NEGR1: variants seen among roughly 807,000 people sequenced by gnomAD.
NEGR1 encodes IgLON family member 4.
A neutral mutation model predicts 40.9 loss-of-function variants in NEGR1; 10 were observed. That is an observed-to-expected ratio of 0.24 (90% CI 0.15 to 0.42). The LOEUF (loss-of-function observed/expected upper bound fraction) is 0.42, where lower values mean the gene tolerates loss of function less well. NEGR1 is among the 10% of genes least tolerant of loss of function. The pLI, the probability that NEGR1 is intolerant of heterozygous loss-of-function variation, is 1.00. For missense variants in NEGR1, 352 were observed against 438.9 expected (o/e 0.80, Z 1.77); for synonymous variants, 185 against 166.8 (o/e 1.11, Z -0.84).
chr1:71,781,010 G>A (rs754692028), intron 2 of NEGR1, among the ~76,000 whole-genome samples: 5 of 152,128 alleles, frequency 3.3e-5, no homozygotes, highest in East Asian at 3.9e-4. Flanking sequence ...CTGTTTGTAC[G>A]ATAATGAGCA....
chr1:71,719,849 A>G (rs564910680), intron 3 of NEGR1, among the ~76,000 whole-genome samples: 9 of 152,132 alleles, frequency 5.9e-5, no homozygotes, highest in African/African-American at 2.2e-4. Context: ...TTTAGGTGTA[A>G]AGACCAATGT....
At chr1:71,467,382 T>C (rs1431725343) in intron 6 of NEGR1, among the ~76,000 whole-genome samples, 1 of 152,078 alleles carries the variant, frequency 6.6e-6, no homozygotes, top group Non-Finnish European at 1.5e-5. Flanking sequence ...GCGTTATACA[T>C]GTTATCTATC....
intron 1 of NEGR1, among the ~76,000 whole-genome samples, chr1:72,162,724 C>G (rs1185762196): frequency 6.6e-6 from 1 of 152,216 alleles, no homozygotes; most frequent in East Asian, 1.9e-4. Flanking sequence ...TGCAGACAAG[C>G]TGATGCAGTT....
At chr1:71,591,377 A>C (rs1649494072) in intron 6 of NEGR1, among the ~76,000 whole-genome samples, 1 of 152,184 alleles carries the variant, frequency 6.6e-6, no homozygotes, top group South Asian at 2.1e-4. Flanking sequence ...CACATTCATT[A>C]ATGTTTCAGT....
intron 6 of NEGR1, among the ~76,000 whole-genome samples, chr1:71,534,566 A>G (rs1647456130): frequency 3.3e-5 from 5 of 151,742 alleles, no homozygotes; most frequent in Admixed American, 2.0e-4. Context: ...ACAAGCTACA[A>G]TTAAAAATTC....
At chr1:72,057,604 G>T (rs963823300) in intron 1 of NEGR1, among the ~76,000 whole-genome samples, 2 of 151,438 alleles carry the variant, frequency 1.3e-5, no homozygotes, top group Non-Finnish European at 3.0e-5. Context: ...AACTCTAGAC[G>T]AGGGGCCCCT....
intron 2 of NEGR1, among the ~76,000 whole-genome samples, chr1:71,896,644 CTA>C (rs1230573454): frequency 6.6e-6 from 1 of 152,126 alleles, no homozygotes. Context: ...AGACATACTC[CTA>C]TGTTTTCTTG....
chr1:71,917,742 T>A (rs1242692625), intron 2 of NEGR1, among the ~76,000 whole-genome samples: 2 of 144,872 alleles, frequency 1.4e-5, no homozygotes, highest in East Asian at 4.1e-4. Flanking sequence ...ATTGCGCCAC[T>A]GCACTCCAGC....
chr1:71,924,060 TA>T (rs926425595), intron 2 of NEGR1, among the ~76,000 whole-genome samples: 84 of 151,458 alleles, frequency 5.5e-4, no homozygotes, highest in Middle Eastern at 3.4e-3. Flanking sequence ...AGCAGCTATT[TA>T]AAAAAAAATT....
At chr1:71,597,083 T>C (rs538828483) in intron 5 of NEGR1, among the ~76,000 whole-genome samples, 14 of 152,244 alleles carry the variant, frequency 9.2e-5, no homozygotes, top group Non-Finnish European at 1.9e-4. Context: ...ATGTCAGCAA[T>C]AGACTGTAGG....
intron 6 of NEGR1, among the ~76,000 whole-genome samples, chr1:71,564,359 T>G (rs1421579644): frequency 1.3e-5 from 2 of 152,120 alleles, no homozygotes; most frequent in Non-Finnish European, 2.9e-5. Context: ...AAATCATACA[T>G]ATGTTAAGTA....
intron 6 of NEGR1, among the ~76,000 whole-genome samples, chr1:71,579,107 T>G (rs533162602): frequency 6.6e-6 from 1 of 152,264 alleles, no homozygotes; most frequent in Admixed American, 6.5e-5. Context: ...GAAAATATGT[T>G]TTTGGCTCAT....
At chr1:71,817,955 C>T (rs1479426064) in intron 2 of NEGR1, among the ~76,000 whole-genome samples, 2 of 151,982 alleles carry the variant, frequency 1.3e-5, no homozygotes, top group Non-Finnish European at 2.9e-5. Flanking sequence ...CATCGCTAAT[C>T]ATTACAGAAA....
At chr1:71,771,005 T>C (rs1656298856) in intron 3 of NEGR1, among the ~76,000 whole-genome samples, 1 of 152,184 alleles carries the variant, frequency 6.6e-6, no homozygotes, top group Non-Finnish European at 1.5e-5. Context: ...TGCACACGTA[T>C]GTTTATTGTG....
chr1:71,491,323 A>G (rs1646926276), intron 6 of NEGR1, among the ~76,000 whole-genome samples: 1 of 152,056 alleles, frequency 6.6e-6, no homozygotes, highest in South Asian at 2.1e-4. Flanking sequence ...TTGGGTTTTG[A>G]TATCCAAGGG....
rs551447769 is a variant in NEGR1, at chr1:71,826,547, T to C, written c.410-50250A>G. Among the ~76,000 whole-genome samples the C allele has an allele frequency of 1.2e-4, 19 of 152,010 alleles. No individual in the cohort carries two copies. The South Asian group carries it at 3.1e-3, about 25-fold the overall frequency. On this transcript the variant is annotated intron_variant, in intron 2 of 6. Transcript: ENST00000357731. The stretch of plus-strand genomic sequence containing the variant: ...TTTGCAAATAACATGATGCACACTT[T>C]CTGAAAAGAGATATAAGTAGATTTC...
chr1:71,772,315 C>T (rs900143603), intron 3 of NEGR1, among the ~76,000 whole-genome samples: 95 of 151,880 alleles, frequency 6.3e-4, no homozygotes, highest in African/African-American at 2.2e-3. Context: ...GAGGTGGGAG[C>T]ATCACTTAAA....
At position 71,401,691 on chromosome 1, in the gene NEGR1, C is replaced by T. The variant is rs536757743; in HGVS notation, c.*5755G>A. The T allele has an allele frequency of 1.3e-5, 2 of 152,184 alleles. No individual in the cohort carries two copies. Among genetic ancestry groups the T allele is most frequent in the Admixed American group, 6.5e-5 (1 of 15,280 alleles). 9.4% of individuals were successfully genotyped at this position (152,184 alleles called of 1,614,324 possible). On this transcript the variant is annotated 3_prime_UTR_variant, in exon 7 of 7. Transcript: ENST00000357731. ...TTTAAAAGTGTGTATGTATTCTGAT[C>T]TCCATTTCCCCCAAAATTCTGTTGA... is the stretch of plus-strand genomic sequence containing the variant.
At chr1:72,249,699 G>A (rs1169429024) in intron 1 of NEGR1, among the ~76,000 whole-genome samples, 2 of 152,164 alleles carry the variant, frequency 1.3e-5, no homozygotes, top group African/African-American at 2.4e-5. Context: ...CTTGACATTT[G>A]TTATGAAATT....
Sources: gnomAD v4.1 joint callset for allele counts (sites outside exome capture counted in the v4.1 genomes callset) on GRCh38, gnomAD v4.1.1 for gene constraint, MANE v1.5 for transcripts, NCBI Gene and HGNC (gene_info 2026-07-23, HGNC 2026-07-21) for gene names.